Variants in ZNF503 observed in about 807,000 individuals in gnomAD.
ZNF503 encodes the protein NocA-like zinc finger 2.
A neutral mutation model predicts 34.4 loss-of-function variants in ZNF503; 15 were observed. The ratio of observed to expected loss-of-function variants is 0.44; its 90% CI spans 0.29 to 0.67. The LOEUF is 0.67. Ranked by LOEUF, ZNF503 falls within the 30% of genes least tolerant of loss-of-function variation. ZNF503 has a pLI of 0.13. For synonymous variants in ZNF503, 580 were observed against 456.8 expected (o/e 1.27, Z -3.44); for missense variants, 1,007 against 926.8 (o/e 1.09, Z -1.12).
the ZNF503 span, among the ~76,000 whole-genome samples, chr10:75,372,079 C>T: frequency 2.6e-5 from 4 of 152,184 alleles, no homozygotes; most frequent in Admixed American, 6.5e-5. Flanking sequence ...TACAGGTGCC[C>T]GCTACCACTG....
the ZNF503 span, among the ~76,000 whole-genome samples, chr10:75,307,213 C>T: frequency 6.6e-6 from 1 of 152,114 alleles, no homozygotes; most frequent in African/African-American, 2.4e-5. Flanking sequence ...AAGAAAAGTT[C>T]CTGAAGGAAA....
chr10:75,302,359 A>G, the ZNF503 span, among the ~76,000 whole-genome samples: 1 of 95,174 alleles, frequency 1.1e-5, no homozygotes, highest in Middle Eastern at 5.5e-3. Flanking sequence ...CTTTTTATAT[A>G]TCCTACTTGG....
chr10:75,375,509 C>T, the ZNF503 span, among the ~76,000 whole-genome samples: 1 of 151,944 alleles, frequency 6.6e-6, no homozygotes, highest in African/African-American at 2.4e-5. Flanking sequence ...ACCATGGAAT[C>T]CATCTTTCTT....
chr10:75,317,230 C>T, the ZNF503 span, among the ~76,000 whole-genome samples: 2 of 150,506 alleles, frequency 1.3e-5, no homozygotes, highest in African/African-American at 4.9e-5. Flanking sequence ...GTGTGAGCCA[C>T]CACACCTGGC....
At chr10:75,306,494 GCTAT>G in the ZNF503 span, among the ~76,000 whole-genome samples, 1 of 151,978 alleles carries the variant, frequency 6.6e-6, no homozygotes, top group African/African-American at 2.4e-5. Context: ...CATTCCATAG[GCTAT>G]CTTTTTACTT....
chr10:75,377,080 C>T, the ZNF503 span, among the ~76,000 whole-genome samples: 1 of 152,186 alleles, frequency 6.6e-6, no homozygotes, highest in Non-Finnish European at 1.5e-5. Context: ...TAGATTCACC[C>T]CAGACCTACT....
the ZNF503 span, among the ~76,000 whole-genome samples, chr10:75,292,814 T>C: frequency 8.5e-5 from 13 of 152,180 alleles, no homozygotes; most frequent in Non-Finnish European, 1.6e-4. Context: ...TGTCTTCTTG[T>C]GGTCTCCCTG....
Position 75,401,360 on chromosome 10 carries a change from G to GC in ZNF503, c.59dup (p.Gly21ArgfsTer20). Reference sequence around the variant, plus strand: ...CTGCACCGCCGCCTCCGCCTCCGCCGCCGCCGCCGCCGCTGTGCTTACTGC... The same window carrying GC: ...CTGCACCGCCGCCTCCGCCTCCGCCGCCCGCCGCCGCCGCTGTGCTTACTGC... On this transcript the variant is annotated frameshift_variant, in exon 1 of 2. Coordinates refer to ENST00000372524, the MANE Select transcript of ZNF503 (RefSeq NM_032772.6). LOFTEE classifies it high-confidence loss of function. 6.8e-7 allele frequency: 1 copy of GC among 1,462,080 alleles called. No homozygotes were observed. The highest frequency in any genetic ancestry group is 9.3e-7 in the Non-Finnish European group (1 of 1,079,550). The allele number at this position is 1,462,080 out of a possible 1,614,324, so 90.6% of individuals were successfully genotyped here.
the ZNF503 span, among the ~76,000 whole-genome samples, chr10:75,384,527 A>G: frequency 6.6e-6 from 1 of 152,094 alleles, no homozygotes; most frequent in South Asian, 2.1e-4. Flanking sequence ...GTCAAGTAGC[A>G]GTCTTACATC....
At chr10:75,382,542 T>C in the ZNF503 span, 1 of 559,682 alleles carries the variant, frequency 1.8e-6, no homozygotes. Flanking sequence ...TCTAAGATGG[T>C]GACTGGTGTC....
At chr10:75,372,272 G>A in the ZNF503 span, among the ~76,000 whole-genome samples, 1 of 152,202 alleles carries the variant, frequency 6.6e-6, no homozygotes, top group Non-Finnish European at 1.5e-5. Context: ...CACAAAAGCA[G>A]CACATGTTCA....
chr10:75,333,176 T>C, the ZNF503 span, among the ~76,000 whole-genome samples: 32,041 of 95,752 alleles, frequency 0.33, 5,112 homozygotes, highest in African/African-American at 0.39. Context: ...CCAGTAGGGG[T>C]GGCCGGGCAG....
the ZNF503 span, among the ~76,000 whole-genome samples, chr10:75,300,655 C>T: frequency 4.0e-5 from 6 of 151,022 alleles, no homozygotes; most frequent in Admixed American, 2.0e-4. Flanking sequence ...TCCCTCCGTT[C>T]GGGGTCCCTG....
the ZNF503 span, among the ~76,000 whole-genome samples, chr10:75,379,624 A>G: frequency 6.6e-6 from 1 of 152,366 alleles, no homozygotes; most frequent in African/African-American, 2.4e-5. Context: ...TCCAGAATAC[A>G]TTAGGCGGAT....
Position 75,401,181 on chromosome 10 carries a change from A to G in ZNF503, c.239T>C (p.Leu80Pro). ...CAAAATGTGGCCAGTTCGTGCCGTC[A>G]GCATCTTCAGCACCTTGATTGGCAG... ...NRLPIKVLKMLTARTGHILHP... is the reference protein window; with the variant it reads ...NRLPIKVLKMPTARTGHILHP... The change falls in exon 1 of 2, where the codon CTG (leucine) becomes CCG (proline). Residue 80 changes from leucine to proline, a missense_variant. By Grantham distance (98) the Leu-to-Pro change is moderately conservative. Coordinates refer to ENST00000372524, the MANE Select transcript of ZNF503 (RefSeq NM_032772.6). 1 of 1,610,734 alleles carries G rather than the reference A, an allele frequency of 6.2e-7. No homozygotes were observed. Among genetic ancestry groups the G allele is most frequent in the Non-Finnish European group, 8.5e-7 (1 of 1,178,168 alleles).
chr10:75,373,481 C>G, the ZNF503 span: 1 of 152,232 alleles, frequency 6.6e-6, no homozygotes, highest in Non-Finnish European at 1.5e-5. Context: ...ACCTCGCAGA[C>G]TCTGGGAACC....
the ZNF503 span, among the ~76,000 whole-genome samples, chr10:75,337,853 C>T: frequency 2.0e-5 from 3 of 152,288 alleles, no homozygotes; most frequent in East Asian, 3.9e-4. Flanking sequence ...TGGATTGGAA[C>T]ACCAATACCT....
the ZNF503 span, among the ~76,000 whole-genome samples, chr10:75,356,762 T>G: frequency 3.3e-5 from 5 of 152,180 alleles, no homozygotes; most frequent in Non-Finnish European, 7.3e-5. Context: ...TTTATCAAGA[T>G]GAGAGAACTT....
the ZNF503 span, among the ~76,000 whole-genome samples, chr10:75,342,950 A>G: frequency 6.6e-6 from 1 of 152,214 alleles, no homozygotes; most frequent in South Asian, 2.1e-4. Flanking sequence ...AACTTGATAC[A>G]CTTGACAAAG....
Sources: gnomAD v4.1 joint callset for allele counts (sites outside exome capture counted in the v4.1 genomes callset) on GRCh38, gnomAD v4.1.1 for gene constraint, MANE v1.5 for transcripts, NCBI Gene and HGNC (gene_info 2026-07-23, HGNC 2026-07-21) for gene names.